RBBP8: variants seen among roughly 807,000 people sequenced by gnomAD.
RBBP8 encodes DNA endonuclease RBBP8.
Under a neutral mutation model 108.3 loss-of-function variants are expected in RBBP8, and 88 were observed. The ratio of observed to expected loss-of-function variants is 0.81; its 90% CI spans 0.68 to 0.97. The LOEUF (loss-of-function observed/expected upper bound fraction) is 0.97. Ranked by LOEUF, RBBP8 falls within the 50% of genes least tolerant of loss-of-function variation. The probability of loss-of-function intolerance (pLI) is 0.00; values close to 1 mark genes in which losing one functional copy is unlikely to be tolerated. For synonymous variants in RBBP8, 332 were observed against 348.2 expected, an observed-to-expected ratio of 0.95 and a Z score of 0.52; for missense variants, 1,023 against 1,049.0, an observed-to-expected ratio of 0.98 and a Z score of 0.34.
chr18:22,950,388 C>T (rs1401103167), intron 4 of RBBP8, among the ~76,000 whole-genome samples: 1 of 152,080 alleles, frequency 6.6e-6, no homozygotes, highest in African/African-American at 2.4e-5. Flanking sequence ...CATTCAAGAC[C>T]AGCCTGGACA....
At chr18:22,933,283 G>A (rs1421649427), upstream of RBBP8, 3 of 152,198 alleles carry the variant, frequency 2.0e-5, no homozygotes, top group African/African-American at 4.8e-5. Context: ...GTGCGCCGCC[G>A]CGATGGGCAG....
At chr18:23,008,471 G>T (rs2046097809) in intron 16 of RBBP8, among the ~76,000 whole-genome samples, 1 of 151,932 alleles carries the variant, frequency 6.6e-6, no homozygotes. Flanking sequence ...GTTGTTTTTT[G>T]TTTAGGTGTC....
intron 4 of RBBP8, among the ~76,000 whole-genome samples, chr18:22,955,246 G>A (rs554886019): frequency 3.0e-4 from 46 of 152,240 alleles, no homozygotes; most frequent in Middle Eastern, 6.8e-3. Flanking sequence ...GCAGGGAGTC[G>A]GGGTGGGATG....
At chr18:22,968,984 A>T (rs1913863922) in intron 5 of RBBP8, 66 bp downstream of exon 5, 3 of 1,184,762 alleles carry the variant, frequency 2.5e-6, no homozygotes, top group Non-Finnish European at 3.7e-6. Context: ...CCTATTAGTA[A>T]ATTGGTTGTA....
intron 9 of RBBP8, 104 bp downstream of exon 9, chr18:22,989,422 G>T: frequency 1.2e-6 from 1 of 823,210 alleles, no homozygotes; most frequent in Non-Finnish European, 2.0e-6. Flanking sequence ...AAAGATCTTG[G>T]GTAAAGGCCT....
intron 3 of RBBP8, among the ~76,000 whole-genome samples, chr18:22,918,629 T>C (rs1909460342): frequency 6.6e-6 from 1 of 152,214 alleles, no homozygotes; most frequent in Admixed American, 6.5e-5. Flanking sequence ...AACAGCTTTT[T>C]TTTGTCTATT....
intron 2 of RBBP8, 168 bp from the exon 3 acceptor site, chr18:22,946,276 A>G (rs1911550427): frequency 5.2e-6 from 4 of 766,752 alleles, no homozygotes; most frequent in South Asian, 3.9e-5. Flanking sequence ...AAAGCAATAC[A>G]TTGCAGATAT....
intron 4 of RBBP8, 103 bp downstream of exon 4, chr18:22,949,816 C>T (rs1679960799): frequency 1.2e-6 from 1 of 826,642 alleles, no homozygotes; most frequent in Non-Finnish European, 2.1e-6. Context: ...AGTGATCTTT[C>T]CCACAGCCTT....
chr18:22,948,471 G>A (rs1198490837), intron 3 of RBBP8, among the ~76,000 whole-genome samples: 2 of 152,070 alleles, frequency 1.3e-5, no homozygotes, highest in Admixed American at 6.5e-5. Context: ...GTTCTCAGAT[G>A]TCCCTACATG....
At chr18:22,923,021 A>C (rs2144340859) in intron 3 of RBBP8, among the ~76,000 whole-genome samples, 1 of 152,330 alleles carries the variant, frequency 6.6e-6, no homozygotes, top group African/African-American at 2.4e-5. Context: ...TTTGCCTAGC[A>C]ATTCAATAGT....
At chr18:23,022,552 A>G (rs1039289607) in intron 18 of RBBP8, among the ~76,000 whole-genome samples, 1 of 151,148 alleles carries the variant, frequency 6.6e-6, no homozygotes, top group Admixed American at 6.6e-5. Context: ...CAGTGAGCCA[A>G]GATTGTGCCA....
chr18:23,012,207 C>CAAAAAA (rs368600707), intron 16 of RBBP8, among the ~76,000 whole-genome samples: 5,713 of 80,806 alleles, frequency 0.071, 1,351 homozygotes, highest in African/African-American at 0.16. Context: ...GATGCTGTCT[C>CAAAAAA]CAAAAAAAAA....
At chr18:22,928,383 G>A (rs1909871281), upstream of RBBP8, among the ~76,000 whole-genome samples, 1 of 152,158 alleles carries the variant, frequency 6.6e-6, no homozygotes, top group South Asian at 2.1e-4. Context: ...GTATAGAAAG[G>A]AAGGATGAAG....
intron 14 of RBBP8, among the ~76,000 whole-genome samples, chr18:22,999,033 A>G (rs1459767260): frequency 6.6e-6 from 1 of 152,216 alleles, no homozygotes; most frequent in East Asian, 1.9e-4. Context: ...GAGAAAATCT[A>G]AAGTATGACC....
chr18:23,017,872 G>A (rs1004343407), intron 17 of RBBP8, among the ~76,000 whole-genome samples: 4 of 146,914 alleles, frequency 2.7e-5, no homozygotes, highest in Admixed American at 6.9e-5. Flanking sequence ...TCAGCTTCCC[G>A]GGTAGCTGGG....
chr18:23,012,919 C>T (rs1172570128), intron 16 of RBBP8, among the ~76,000 whole-genome samples: 1 of 152,142 alleles, frequency 6.6e-6, no homozygotes, highest in Admixed American at 6.5e-5. Context: ...AAGTTGAAGC[C>T]AGTGCTCATT....
At chr18:22,972,001 A>T (rs562882884) in intron 5 of RBBP8, among the ~76,000 whole-genome samples, 3 of 152,050 alleles carry the variant, frequency 2.0e-5, no homozygotes, top group African/African-American at 7.2e-5. Flanking sequence ...TAATTGGGGA[A>T]CATACATTTA....
At chr18:22,916,461 C>G (rs180967860) in intron 2 of RBBP8, among the ~76,000 whole-genome samples, 6 of 149,396 alleles carry the variant, frequency 4.0e-5, no homozygotes, top group African/African-American at 1.5e-4. Flanking sequence ...ATCCAGGTTT[C>G]CTGACTTCCA....
rs758357879 is a variant in RBBP8 at position 22,982,311 on chromosome 18, C to T, written c.522C>T (p.Asn174=). The change falls in exon 7 of 19, where the codon AAC becomes AAT. Residue 174 remains asparagine (N), a synonymous_variant. Transcript: ENST00000327155. The stretch of plus-strand genomic sequence containing the variant: ...CAGCCTTCTCATTTTCTGGCGTTAA[C>T]CGGCTACGAAGAAAGGAGAACCCCC... ...PITAFSFSGV[N]RLRRKENPHV... is the part of the protein sequence containing the mutation. 2.5e-5 allele frequency: 41 copies of T among 1,614,034 alleles called. No individual in the cohort carries two copies. Among genetic ancestry groups the T allele is most frequent in the Non-Finnish European group, 3.3e-5 (39 of 1,180,030 alleles).
Sources: gnomAD v4.1 joint callset for allele counts (sites outside exome capture counted in the v4.1 genomes callset) on GRCh38, gnomAD v4.1.1 for gene constraint, MANE v1.5 for transcripts, NCBI Gene and HGNC (gene_info 2026-07-23, HGNC 2026-07-21) for gene names.